Variants in RANBP2 observed in about 807,000 individuals in gnomAD.
The protein encoded by RANBP2 is E3 SUMO-protein ligase RanBP2.
Under a neutral mutation model 303.6 loss-of-function variants are expected in RANBP2, and 57 were observed. The observed-to-expected ratio is 0.19, with a 90% confidence interval of 0.15 to 0.23. The LOEUF (loss-of-function observed/expected upper bound fraction) is 0.23, where lower values mean the gene tolerates loss of function less well. Ranked by LOEUF, RANBP2 falls within the 10% of genes least tolerant of loss-of-function variation. The pLI is 1.00. For synonymous variants in RANBP2, 1,167 were observed against 1,301.5 expected, an observed-to-expected ratio of 0.90 and a Z score of 2.23; for missense variants, 3,138 against 3,780.8, an observed-to-expected ratio of 0.83 and a Z score of 4.46.
chr2:109,090,757 C>G, the RANBP2 span, among the ~76,000 whole-genome samples: 1 of 151,962 alleles, frequency 6.6e-6, no homozygotes, highest in South Asian at 2.1e-4. Context: ...CTTAGCTAAG[C>G]GTAGAACTAT....
the RANBP2 span, among the ~76,000 whole-genome samples, chr2:109,504,879 G>C: frequency 6.6e-6 from 1 of 152,234 alleles, no homozygotes; most frequent in Non-Finnish European, 1.5e-5. Context: ...CAGGAGCTGG[G>C]CAGTAAGAGC....
chr2:109,546,281 G>C, the RANBP2 span: 1 of 1,321,964 alleles, frequency 7.6e-7, no homozygotes, highest in South Asian at 1.6e-5. Context: ...CAGCGCGGCA[G>C]CAGAGGCACG....
the RANBP2 span, among the ~76,000 whole-genome samples, chr2:109,735,208 C>T: frequency 1.3e-5 from 2 of 152,170 alleles, no homozygotes; most frequent in Non-Finnish European, 2.9e-5. Flanking sequence ...CTACTCTTTA[C>T]TTCTATGAGC....
chr2:108,873,459 C>A, the RANBP2 span: 2 of 1,595,294 alleles, frequency 1.3e-6, no homozygotes, highest in Non-Finnish European at 8.5e-7. Context: ...AGAATCCTTG[C>A]AGCCTTTCCT....
intron 20 of RANBP2, 47 bp downstream of exon 20, chr2:108,768,435 A>G: frequency 2.5e-6 from 4 of 1,606,964 alleles, no homozygotes; most frequent in Non-Finnish European, 3.4e-6. Context: ...CTTTCTTTTA[A>G]TGTTTAGCTT....
chr2:109,615,258 A>G, the RANBP2 span: 4 of 1,562,538 alleles, frequency 2.6e-6, no homozygotes, highest in Middle Eastern at 3.4e-4. Flanking sequence ...GGAGGAGAGC[A>G]GCGGCGGAGG....
At chr2:108,737,099 T>C (rs1454773996) in intron 6 of RANBP2, among the ~76,000 whole-genome samples, 3 of 151,648 alleles carry the variant, frequency 2.0e-5, no homozygotes, top group Non-Finnish European at 4.4e-5. Context: ...TTCATTTCAC[T>C]GAGTGCAGGG....
chr2:108,821,886 C>T, the RANBP2 span, among the ~76,000 whole-genome samples: 4 of 150,018 alleles, frequency 2.7e-5, no homozygotes, highest in Admixed American at 2.7e-4. Flanking sequence ...TGAGATTGTG[C>T]CACTGCGCTC....
the RANBP2 span, chr2:109,545,141 G>C: frequency 1.0e-6 from 1 of 985,176 alleles, no homozygotes; most frequent in African/African-American, 1.7e-5. Context: ...GCTCTGTGGG[G>C]AACATGGGAG....
chr2:109,055,824 G>A, the RANBP2 span, among the ~76,000 whole-genome samples: 5 of 141,070 alleles, frequency 3.5e-5, no homozygotes, highest in Admixed American at 2.2e-4. Flanking sequence ...GCAGTGGCGC[G>A]ATCTTGGCTC....
chr2:108,806,154 T>C, the RANBP2 span, among the ~76,000 whole-genome samples: 3 of 152,204 alleles, frequency 2.0e-5, no homozygotes, highest in Admixed American at 6.5e-5. Context: ...CCTCATTTCA[T>C]TTATGGCTGT....
At chr2:108,957,260 C>T in the RANBP2 span, among the ~76,000 whole-genome samples, 5 of 152,188 alleles carry the variant, frequency 3.3e-5, no homozygotes, top group African/African-American at 4.8e-5. Flanking sequence ...TGTTCACCTT[C>T]GCTTCGTGAG....
At chr2:109,262,476 G>C in the RANBP2 span, among the ~76,000 whole-genome samples, 1 of 152,186 alleles carries the variant, frequency 6.6e-6, no homozygotes. Context: ...GACAGTGTCC[G>C]GAGGCCCCAC....
chr2:109,734,087 G>A, the RANBP2 span, among the ~76,000 whole-genome samples: 2 of 151,184 alleles, frequency 1.3e-5, no homozygotes, highest in Non-Finnish European at 2.9e-5. Context: ...GCTGAGGCGG[G>A]AGAATTGCTT....
chr2:109,520,536 G>T, the RANBP2 span, among the ~76,000 whole-genome samples: 1 of 147,454 alleles, frequency 6.8e-6, no homozygotes, highest in East Asian at 2.1e-4. Flanking sequence ...GGAGGCGGAG[G>T]TTGCAGTGAG....
At chr2:109,273,609 G>C in the RANBP2 span, among the ~76,000 whole-genome samples, 2 of 152,238 alleles carry the variant, frequency 1.3e-5, no homozygotes, top group Non-Finnish European at 2.9e-5. Flanking sequence ...GACAGGCTTA[G>C]AGTCCTCCTC....
chr2:108,797,147 A>G, the RANBP2 span, among the ~76,000 whole-genome samples: 1 of 152,216 alleles, frequency 6.6e-6, no homozygotes, highest in Admixed American at 6.5e-5. Flanking sequence ...TTGAGTGGAT[A>G]TAATTAAGCA....
the RANBP2 span, among the ~76,000 whole-genome samples, chr2:109,048,909 A>G: frequency 6.6e-6 from 1 of 152,226 alleles, no homozygotes; most frequent in South Asian, 2.1e-4. Context: ...TGTTTTCTCA[A>G]TCTTAGAAGA....
the RANBP2 span, among the ~76,000 whole-genome samples, chr2:109,350,838 T>C: frequency 6.6e-6 from 1 of 152,196 alleles, no homozygotes; most frequent in East Asian, 1.9e-4. Context: ...ATGTTTTTAT[T>C]CTTTGGATAT....
Sources: gnomAD v4.1 joint callset for allele counts (sites outside exome capture counted in the v4.1 genomes callset) on GRCh38, gnomAD v4.1.1 for gene constraint, MANE v1.5 for transcripts, NCBI Gene and HGNC (gene_info 2026-07-23, HGNC 2026-07-21) for gene names.